Variants in FHIT observed in about 807,000 individuals in gnomAD.
The protein encoded by FHIT is fragile histidine triad diadenosine triphosphatase.
Under a neutral mutation model 17.9 loss-of-function variants are expected in FHIT, and 19 were observed. That is an observed-to-expected ratio of 1.06 (90% CI 0.74 to 1.56). The LOEUF (loss-of-function observed/expected upper bound fraction) is 1.56, where lower values mean the gene tolerates loss of function less well. Ranked by LOEUF, FHIT falls within the 40% of genes most tolerant of loss-of-function variation. The pLI is 0.00. For synonymous variants in FHIT, 81 were observed against 69.7 expected (o/e 1.16, Z -0.81); for missense variants, 248 against 189.2 (o/e 1.31, Z -1.82).
intron 2 of FHIT, among the ~76,000 whole-genome samples, chr3:61,047,135 A>G (rs1194647516): frequency 1.3e-5 from 2 of 152,210 alleles, no homozygotes; most frequent in Non-Finnish European, 2.9e-5. Flanking sequence ...GGCCAGGGCA[A>G]TCAGACAATA....
At chr3:60,995,668 G>T (rs9841737) in intron 3 of FHIT, among the ~76,000 whole-genome samples, 1 of 152,158 alleles carries the variant, frequency 6.6e-6, no homozygotes, top group Non-Finnish European at 1.5e-5. Flanking sequence ...TGCTACTCCG[G>T]CTATTATCCA....
chr3:60,504,560 C>T (rs367682061), intron 5 of FHIT, among the ~76,000 whole-genome samples: 1 of 151,968 alleles, frequency 6.6e-6, no homozygotes, highest in African/African-American at 2.4e-5. Context: ...CATAGTAAAA[C>T]GTGAACTGCC....
Position 60,536,963 on chromosome 3 carries a change from G to T in FHIT, c.-1C>A. 1 of 1,605,500 alleles carries T rather than the reference G, an allele frequency of 6.2e-7. No individual in the cohort carries two copies. Among genetic ancestry groups the T allele is most frequent in the African/African-American group, 1.3e-5 (1 of 74,502 alleles). On this transcript the variant is annotated 5_prime_UTR_variant, in exon 5 of 10. Transcript: ENST00000492590. ...GATGTTGGCCAAATCTGAACGACAT[G>T]TCCTCACAGTTGAAGTCTAAAAGAA...
At chr3:60,155,688 T>G (rs933489874) in intron 5 of FHIT, among the ~76,000 whole-genome samples, 2 of 152,142 alleles carry the variant, frequency 1.3e-5, no homozygotes, top group African/African-American at 4.8e-5. Flanking sequence ...GTCTCCTGGG[T>G]TTTTTTTCTG....
At chr3:60,198,723 T>C (rs1236997756) in intron 5 of FHIT, among the ~76,000 whole-genome samples, 2 of 152,322 alleles carry the variant, frequency 1.3e-5, no homozygotes, top group South Asian at 2.1e-4. Context: ...GGTACCATTT[T>C]CTACCTAGCC....
chr3:60,186,783 A>C lies in FHIT; in HGVS notation c.104-172631T>G, dbSNP rs114909481. ...AAAGGATGGAAAGTGCCATGCCCGC[A>C]AACTTTGTAGATGGATGTTTTTATT... On this transcript the variant is annotated intron_variant, in intron 5 of 9. Coordinates refer to ENST00000492590, the MANE Select transcript of FHIT (RefSeq NM_002012.4). Among the ~76,000 whole-genome samples the C allele has an allele frequency of 8.3e-3, 1,264 of 152,066 alleles. 13 individuals carry two copies. Among genetic ancestry groups the C allele is most frequent in the African/African-American group, 0.029 (1,192 of 41,506 alleles).
intron 4 of FHIT, among the ~76,000 whole-genome samples, chr3:60,627,331 T>C (rs190330885): frequency 5.9e-5 from 9 of 152,328 alleles, no homozygotes; most frequent in East Asian, 5.8e-4. Context: ...AAAAAATATA[T>C]ATTCAGTCTT....
At chr3:60,939,174 G>C (rs1228330993) in intron 3 of FHIT, among the ~76,000 whole-genome samples, 1 of 152,064 alleles carries the variant, frequency 6.6e-6, no homozygotes, top group African/African-American at 2.4e-5. Context: ...GAATTAACTA[G>C]GGCTCATATA....
chr3:59,831,945 G>T (rs1701178752), intron 8 of FHIT, among the ~76,000 whole-genome samples: 3 of 152,142 alleles, frequency 2.0e-5, no homozygotes, highest in Non-Finnish European at 2.9e-5. Flanking sequence ...TGCAGCCATA[G>T]TCAGCAGAGC....
chr3:60,619,558 T>A (rs1390950295), intron 4 of FHIT, among the ~76,000 whole-genome samples: 1 of 137,934 alleles, frequency 7.2e-6, no homozygotes, highest in African/African-American at 2.8e-5. Flanking sequence ...GCCCACATAG[T>A]CTTTTCCACA....
At chr3:61,123,848 T>G (rs1424083180) in intron 2 of FHIT, among the ~76,000 whole-genome samples, 1 of 151,928 alleles carries the variant, frequency 6.6e-6, no homozygotes, top group Admixed American at 6.6e-5. Context: ...GAAAAGGGAG[T>G]TGGGAAGAGA....
At chr3:60,067,144 A>G (rs1239514178) in intron 5 of FHIT, among the ~76,000 whole-genome samples, 4 of 152,172 alleles carry the variant, frequency 2.6e-5, no homozygotes, top group Non-Finnish European at 4.4e-5. Flanking sequence ...ATTCATGAAC[A>G]TGAGTCTCTA....
At chr3:60,531,491 G>C (rs994519904) in intron 5 of FHIT, among the ~76,000 whole-genome samples, 3 of 152,054 alleles carry the variant, frequency 2.0e-5, no homozygotes, top group Admixed American at 1.3e-4. Flanking sequence ...TGTTAGCCAG[G>C]ATGGTCTCGA....
chr3:59,830,656 A>G (rs1026053309), intron 8 of FHIT, among the ~76,000 whole-genome samples: 8 of 152,226 alleles, frequency 5.3e-5, no homozygotes, highest in African/African-American at 2.4e-5. Flanking sequence ...CATTCAATGC[A>G]ATATCATAAT....
At chr3:61,211,170 A>T (rs11130827) in intron 1 of FHIT, among the ~76,000 whole-genome samples, 59,002 of 151,028 alleles carry the variant, frequency 0.39, 11,842 homozygotes, top group East Asian at 0.51. Context: ...GTGGTTGCAG[A>T]GCACCGTGCA....
At chr3:60,216,290 C>G (rs1267061959) in intron 5 of FHIT, among the ~76,000 whole-genome samples, 1 of 152,166 alleles carries the variant, frequency 6.6e-6, no homozygotes, top group East Asian at 1.9e-4. Flanking sequence ...TAAAGACAGT[C>G]TAGGACAGCT....
At chr3:60,465,827 T>C (rs2032757262) in intron 5 of FHIT, among the ~76,000 whole-genome samples, 1 of 151,950 alleles carries the variant, frequency 6.6e-6, no homozygotes, top group Non-Finnish European at 1.5e-5. Context: ...ATAATGTGAT[T>C]CCTCCAGTAC....
intron 5 of FHIT, among the ~76,000 whole-genome samples, chr3:60,123,965 AAAATATATATATATATATATATAT>A (rs1199134032): frequency 1.6e-4 from 9 of 54,570 alleles, no homozygotes; most frequent in South Asian, 6.8e-4. Flanking sequence ...AAATGCACTA[AAAATATATATATATATATATATAT>A]ATATATATAT....
chr3:60,611,590 A>G (rs1553673621), intron 4 of FHIT, among the ~76,000 whole-genome samples: 1 of 152,204 alleles, frequency 6.6e-6, no homozygotes, highest in Non-Finnish European at 1.5e-5. Flanking sequence ...TGAGAGCAAT[A>G]CGTGTTGTTT....
Sources: gnomAD v4.1 joint callset for allele counts (sites outside exome capture counted in the v4.1 genomes callset) on GRCh38, gnomAD v4.1.1 for gene constraint, MANE v1.5 for transcripts, NCBI Gene and HGNC (gene_info 2026-07-23, HGNC 2026-07-21) for gene names.